The following PRMT8 variants were observed in gnomAD, a reference collection of about 807,000 sequenced individuals.
PRMT8 encodes the protein protein arginine N-methyltransferase 8.
PRMT8 carries 7 observed loss-of-function variants against 47.1 expected under a neutral mutation model. The ratio of observed to expected loss-of-function variants is 0.15; its 90% confidence interval spans 0.08 to 0.28. The LOEUF is 0.28. Among genes scored for constraint, PRMT8 ranks in the 10% least tolerant of loss-of-function variants. The pLI is 1.00. For missense variants in PRMT8, 237 were observed against 505.4 expected (o/e 0.47, Z 5.09); for synonymous variants, 188 against 186.5 (o/e 1.01, Z -0.07).
rs544846728 is a variant in PRMT8 at position 3,456,956 on chromosome 12, C to T, written c.48+75514C>T. Among the ~76,000 whole-genome samples the T allele has an allele frequency of 6.6e-6, 1 of 152,290 alleles. No homozygotes were observed. ...GTGTTAAGGGGGTGGGGGCTCTGGCCTCGCTGACCTCGCCTGCCATGGCAA... is the reference window on the plus strand; with the variant it reads ...GTGTTAAGGGGGTGGGGGCTCTGGCTTCGCTGACCTCGCCTGCCATGGCAA... On this transcript the variant is annotated intron_variant, in intron 1 of 9. Coordinates refer to the PRMT8 transcript ENST00000452611. The surrounding 1 kb of genome is among the most constrained non-coding windows in gnomAD (Gnocchi z 4.2).
chr12:3,462,366 A>G lies in PRMT8; in HGVS notation c.49-78240A>G, dbSNP rs565684548. ...GCACAAGAAGGTTTTTAAAGGCAAA[A>G]GAAGGGGGCAGAGTGGGCTGGTACT... On this transcript the variant is annotated intron_variant, in intron 1 of 9. Transcript: ENST00000452611. Among the ~76,000 whole-genome samples, 3 of 152,172 alleles carry G rather than the reference A, an allele frequency of 2.0e-5. No individual in the cohort carries two copies. The South Asian group carries it at 6.2e-4, about 32-fold the overall frequency.
Position 3,557,570 on chromosome 12 carries a change from G to A in PRMT8, c.481+3856G>A, listed in dbSNP as rs1310256213. Among the ~76,000 whole-genome samples, 8 of 152,202 alleles carry A rather than the reference G, an allele frequency of 5.3e-5. No homozygotes were observed. The highest frequency in any genetic ancestry group is 4.6e-4 in the Admixed American group (7 of 15,286). ...TCTCTTCTGTGCCCTCCTCAGAGAAGTGCTTGACCCGGGCTCCCTATCTGC... is the reference window on the plus strand; with the variant it reads ...TCTCTTCTGTGCCCTCCTCAGAGAAATGCTTGACCCGGGCTCCCTATCTGC... On this transcript the variant is annotated intron_variant, in intron 4 of 9. Coordinates refer to ENST00000382622, the MANE Select transcript of PRMT8 (RefSeq NM_019854.5). The surrounding 1 kb of genome is among the most constrained non-coding windows in gnomAD (Gnocchi z 4.7).
upstream of PRMT8, among the ~76,000 whole-genome samples, chr12:3,490,801 C>G (rs1399015567): frequency 1.3e-5 from 2 of 148,342 alleles, no homozygotes; most frequent in South Asian, 2.2e-4. Context: ...CCCACCCCTT[C>G]GTTCCCCAAA....
At chr12:3,424,411 TAC>T (rs759216614) in intron 1 of PRMT8, among the ~76,000 whole-genome samples, 7 of 152,222 alleles carry the variant, frequency 4.6e-5, no homozygotes, top group Non-Finnish European at 8.8e-5. Context: ...CATTCATTTT[TAC>T]AGAGTCCTAA....
rs1003340942 is a variant in PRMT8 at position 3,465,282 on chromosome 12, A to C, written c.49-75324A>C. 1.9e-3 allele frequency among the ~76,000 whole-genome samples: 200 copies of C among 104,790 alleles called. 1 individual carries two copies. The highest frequency in any genetic ancestry group is 5.2e-3 in the African/African-American group (180 of 34,932). 68.7% of individuals were successfully genotyped at this position (104,790 alleles called of 152,430 possible). ...TTATAAATATTTATAAAAATAAAAAATATATAATATATAATAAAATATATA... is the reference window on the plus strand; with the variant it reads ...TTATAAATATTTATAAAAATAAAAACTATATAATATATAATAAAATATATA... On this transcript the variant is annotated intron_variant, in intron 1 of 9. Coordinates refer to the PRMT8 transcript ENST00000452611.
chr12:3,416,769 A>G (rs1220010236), intron 1 of PRMT8, among the ~76,000 whole-genome samples: 1 of 152,228 alleles, frequency 6.6e-6, no homozygotes, highest in East Asian at 1.9e-4. Context: ...GCTGTTGAGG[A>G]AAGACAATGT....
At chr12:3,440,489 A>AAAACG (rs1555079936) in intron 1 of PRMT8, among the ~76,000 whole-genome samples, 1 of 151,882 alleles carries the variant, frequency 6.6e-6, no homozygotes, top group Admixed American at 6.6e-5. Flanking sequence ...AAAACAAAAC[A>AAAACG]AAACCTATTT....
chr12:3,563,922 C>G (rs1282848918), intron 4 of PRMT8, among the ~76,000 whole-genome samples: 1 of 142,934 alleles, frequency 7.0e-6, no homozygotes, highest in Admixed American at 6.9e-5. Context: ...TGTCTCTTAA[C>G]CCAATGCCCC....
chr12:3,484,732 C>T (rs1270417826), intron 1 of PRMT8, among the ~76,000 whole-genome samples: 3 of 152,242 alleles, frequency 2.0e-5, no homozygotes, highest in Non-Finnish European at 4.4e-5. Context: ...CACTTACTTC[C>T]TCTCTCAGCC....
chr12:3,555,406 G>C (rs1484469604), intron 4 of PRMT8, among the ~76,000 whole-genome samples: 1 of 152,188 alleles, frequency 6.6e-6, no homozygotes, highest in East Asian at 1.9e-4. Flanking sequence ...GTTACAGCCA[G>C]TACAAAGGCC....
At chr12:3,475,832 TG>T (rs1263512927) in intron 1 of PRMT8, among the ~76,000 whole-genome samples, 1 of 152,204 alleles carries the variant, frequency 6.6e-6, no homozygotes, top group African/African-American at 2.4e-5. Flanking sequence ...AGAACACTCT[TG>T]TTTGTTATGC....
intron 1 of PRMT8, among the ~76,000 whole-genome samples, chr12:3,528,138 A>G (rs759526292): frequency 7.3e-5 from 11 of 150,812 alleles, no homozygotes; most frequent in Non-Finnish European, 1.5e-4. Flanking sequence ...TAGTTTTTTT[A>G]CTCCCTCACG....
intron 1 of PRMT8, among the ~76,000 whole-genome samples, chr12:3,389,364 C>T (rs1266098134): frequency 6.6e-6 from 1 of 152,186 alleles, no homozygotes; most frequent in Admixed American, 6.5e-5. Context: ...CCTAAGGTTA[C>T]ATTCTCGTCC....
intron 1 of PRMT8, among the ~76,000 whole-genome samples, chr12:3,426,738 T>G (rs1309779826): frequency 1.3e-5 from 2 of 152,220 alleles, no homozygotes; most frequent in Admixed American, 6.5e-5. Context: ...TAAATTTTTC[T>G]TAGCTTTAAT....
chr12:3,497,065 A>C (rs1432209978), intron 1 of PRMT8, among the ~76,000 whole-genome samples: 1 of 152,114 alleles, frequency 6.6e-6, no homozygotes, highest in Non-Finnish European at 1.5e-5. Flanking sequence ...ATGTGAAGTG[A>C]TTATCACATA....
chr12:3,488,688 AAAC>A (rs1865344419), upstream of PRMT8, among the ~76,000 whole-genome samples: 1 of 152,242 alleles, frequency 6.6e-6, no homozygotes, highest in Non-Finnish European at 1.5e-5. Flanking sequence ...TGGGATGACT[AAAC>A]TAATTAACCT....
At chr12:3,567,560 A>G (rs765156331) in intron 4 of PRMT8, among the ~76,000 whole-genome samples, 3 of 152,200 alleles carry the variant, frequency 2.0e-5, no homozygotes, top group Non-Finnish European at 4.4e-5. Context: ...GAGTCATGTC[A>G]TATCAGATCT....
chr12:3,478,269 T>TATCG (rs1865236244), intron 1 of PRMT8, among the ~76,000 whole-genome samples: 1 of 124,348 alleles, frequency 8.0e-6, no homozygotes, highest in Non-Finnish European at 1.8e-5. Flanking sequence ...ATCATCTATC[T>TATCG]ATCTATCTAT....
At chr12:3,477,937 T>A (rs1174593054) in intron 1 of PRMT8, among the ~76,000 whole-genome samples, 11 of 152,182 alleles carry the variant, frequency 7.2e-5, no homozygotes, top group Non-Finnish European at 1.3e-4. Context: ...TCCTTTCTCT[T>A]AGGTTGTATT....
Sources: gnomAD v4.1 joint callset for allele counts (sites outside exome capture counted in the v4.1 genomes callset) on GRCh38, gnomAD v4.1.1 for gene constraint, Gnocchi (gnomAD v3.1) non-coding constraint, MANE v1.5 for transcripts, NCBI Gene and HGNC (gene_info 2026-07-23, HGNC 2026-07-21) for gene names.